Variants in TTC23 observed in about 807,000 individuals in gnomAD.
TTC23 encodes the protein tetratricopeptide repeat protein 23.
TTC23 carries 58 observed loss-of-function variants against 55.1 expected under a neutral mutation model. The observed-to-expected ratio is 1.05, with a 90% CI of 0.85 to 1.31. TTC23 has a LOEUF of 1.31. Among genes scored for constraint, TTC23 ranks in the 50% most tolerant of loss-of-function variants. TTC23 has a pLI of 0.00. For missense variants in TTC23, 516 were observed against 534.4 expected (o/e 0.97, Z 0.34); for synonymous variants, 203 against 199.9 (o/e 1.02, Z -0.13).
chr15:99,173,189 A>ACAG (rs1266122374), intron 10 of TTC23, among the ~76,000 whole-genome samples: 1 of 152,228 alleles, frequency 6.6e-6, no homozygotes, highest in Non-Finnish European at 1.5e-5. Context: ...GAAAGATCTG[A>ACAG]CAGCAACCTG....
At chr15:99,250,382 A>G (rs1177131208), upstream of TTC23, among the ~76,000 whole-genome samples, 1 of 152,212 alleles carries the variant, frequency 6.6e-6, no homozygotes. Context: ...TTTCTAGGTT[A>G]TTCGTCTCTA....
chr15:99,203,961 G>A (rs1170898409), intron 8 of TTC23, among the ~76,000 whole-genome samples: 1 of 152,098 alleles, frequency 6.6e-6, no homozygotes, highest in Non-Finnish European at 1.5e-5. Context: ...ACATGAGAGT[G>A]CAGATATTTC....
intron 1 of TTC23, among the ~76,000 whole-genome samples, chr15:99,247,379 A>G (rs530652262): frequency 1.3e-5 from 2 of 152,352 alleles, no homozygotes; most frequent in East Asian, 3.9e-4. Context: ...TCATAGCAGC[A>G]TTATTCATAA....
At chr15:99,149,166 G>A (rs1487592347) in intron 12 of TTC23, among the ~76,000 whole-genome samples, 2 of 152,214 alleles carry the variant, frequency 1.3e-5, no homozygotes, top group African/African-American at 4.8e-5. Flanking sequence ...GTCAGCAGCA[G>A]ATGTGAAAAG....
At chr15:99,231,145 G>A (rs1453985143) in intron 4 of TTC23, among the ~76,000 whole-genome samples, 1 of 152,198 alleles carries the variant, frequency 6.6e-6, no homozygotes, top group Non-Finnish European at 1.5e-5. Context: ...TGTGCTGCTA[G>A]CCATATAAAA....
chr15:99,167,987 TGGG>T (rs2072368426), intron 10 of TTC23, among the ~76,000 whole-genome samples: 1 of 152,210 alleles, frequency 6.6e-6, no homozygotes, highest in Non-Finnish European at 1.5e-5. Context: ...TAGACCCTGC[TGGG>T]GGCTGCTGTT....
intron 12 of TTC23, among the ~76,000 whole-genome samples, chr15:99,147,113 C>T (rs541460812): frequency 2.7e-5 from 4 of 150,730 alleles, no homozygotes; most frequent in Admixed American, 6.6e-5. Flanking sequence ...TGGGGTTTCA[C>T]CATGTTGGCC....
At chr15:99,153,106 G>C (rs573950493) in intron 12 of TTC23, among the ~76,000 whole-genome samples, 1 of 152,328 alleles carries the variant, frequency 6.6e-6, no homozygotes, top group South Asian at 2.1e-4. Flanking sequence ...GCCAGCACTG[G>C]CTCTTACTAT....
At chr15:99,139,763 AAT>A (rs1555489355) in intron 12 of TTC23, 2 of 1,309,054 alleles carry the variant, frequency 1.5e-6, no homozygotes, top group South Asian at 1.2e-5. Flanking sequence ...GATTTAAAAA[AAT>A]AGTTTTGTTT....
chr15:99,204,118 T>A (rs1490715440), intron 8 of TTC23, among the ~76,000 whole-genome samples: 3 of 152,180 alleles, frequency 2.0e-5, no homozygotes, highest in Non-Finnish European at 4.4e-5. Flanking sequence ...ACCAACAGTG[T>A]ATGAGTGTCC....
chr15:99,139,853 T>C (rs2068025347), intron 12 of TTC23: 12 of 885,388 alleles, frequency 1.4e-5, no homozygotes, highest in Admixed American at 3.1e-5. Flanking sequence ...GTCTTAGTTA[T>C]TAGGAACCAA....
chr15:99,156,056 T>C, intron 12 of TTC23, 92 bp downstream of exon 12: 5 of 1,551,638 alleles, frequency 3.2e-6, no homozygotes, highest in Non-Finnish European at 4.4e-6. Context: ...CTTCTAAAGT[T>C]TCATTTAAAA....
chr15:99,156,670 C>T (rs531332227), intron 11 of TTC23, among the ~76,000 whole-genome samples: 1 of 152,168 alleles, frequency 6.6e-6, no homozygotes, highest in Admixed American at 6.5e-5. Context: ...TGGGGGTAAC[C>T]GCACCCATGG....
At chr15:99,144,057 A>G (rs2068542701) in intron 12 of TTC23, among the ~76,000 whole-genome samples, 1 of 152,196 alleles carries the variant, frequency 6.6e-6, no homozygotes, top group African/African-American at 2.4e-5. Flanking sequence ...CCAGCCTTCA[A>G]CAGGAGAAAG....
chr15:99,139,020 C>T (rs1388089552), intron 13 of TTC23: 1 of 446,806 alleles, frequency 2.2e-6, no homozygotes, highest in Non-Finnish European at 4.1e-6. Context: ...CAGGAGGCCA[C>T]AGGGATTCCC....
intron 6 of TTC23, 99 bp downstream of exon 6, chr15:99,221,642 T>C: frequency 6.9e-7 from 1 of 1,459,274 alleles, no homozygotes; most frequent in Middle Eastern, 1.9e-4. Flanking sequence ...GAAAGGAGAA[T>C]ATTAAAAAAC....
intron 9 of TTC23, among the ~76,000 whole-genome samples, chr15:99,188,532 A>C (rs2074939917): frequency 6.6e-6 from 1 of 152,086 alleles, no homozygotes; most frequent in African/African-American, 2.4e-5. Context: ...AATTGGGTGA[A>C]GATATTTACA....
At chr15:99,153,095 G>A (rs556031754) in intron 12 of TTC23, among the ~76,000 whole-genome samples, 1 of 152,360 alleles carries the variant, frequency 6.6e-6, no homozygotes, top group East Asian at 1.9e-4. Flanking sequence ...CACCGTGCCT[G>A]GCCAGCACTG....
At chr15:99,241,753 G>A (rs1284946898) in intron 2 of TTC23, among the ~76,000 whole-genome samples, 194 bp from the exon 3 acceptor site, 1 of 152,244 alleles carries the variant, frequency 6.6e-6, no homozygotes, top group Non-Finnish European at 1.5e-5. Flanking sequence ...TTTTCCAGGT[G>A]TGAACCGTTG....
Sources: gnomAD v4.1 joint callset for allele counts (sites outside exome capture counted in the v4.1 genomes callset) on GRCh38, gnomAD v4.1.1 for gene constraint, MANE v1.5 for transcripts, NCBI Gene and HGNC (gene_info 2026-07-23, HGNC 2026-07-21) for gene names.